TMEM168: variants seen among roughly 807,000 people sequenced by gnomAD.
TMEM168 encodes the protein transmembrane protein 168.
TMEM168 carries 40 observed loss-of-function variants against 53.2 expected under a neutral mutation model. The ratio of observed to expected loss-of-function variants is 0.75; its 90% confidence interval spans 0.58 to 0.98. TMEM168 has a LOEUF of 0.98. TMEM168 is among the 50% of genes least tolerant of loss of function. The probability of loss-of-function intolerance (pLI) is 0.00; values close to 1 mark genes in which losing one functional copy is unlikely to be tolerated. For synonymous variants in TMEM168, 282 were observed against 293.0 expected, an observed-to-expected ratio of 0.96 and a Z score of 0.38; for missense variants, 771 against 828.8, an observed-to-expected ratio of 0.93 and a Z score of 0.86.
At chr7:112,783,646 G>A in intron 2 of TMEM168, 52 bp downstream of exon 2, 1 of 1,376,694 alleles carries the variant, frequency 7.3e-7, no homozygotes, top group Non-Finnish European at 9.5e-7. Flanking sequence ...AATTATTGAA[G>A]CTAGCATTTT....
chr7:112,785,272 C>T (rs1294701701), intron 1 of TMEM168, among the ~76,000 whole-genome samples: 1 of 152,148 alleles, frequency 6.6e-6, no homozygotes, highest in South Asian at 2.1e-4. Context: ...GTGAAATGTT[C>T]GCTTTAGCTT....
At chr7:112,777,559 C>T (rs1390575367) in intron 2 of TMEM168, among the ~76,000 whole-genome samples, 1 of 152,100 alleles carries the variant, frequency 6.6e-6, no homozygotes, top group Admixed American at 6.6e-5. Context: ...TCCTTTCCTT[C>T]TGTTCAGTAT....
At chr7:112,785,230 T>C (rs770041300) in intron 1 of TMEM168, among the ~76,000 whole-genome samples, 2 of 152,232 alleles carry the variant, frequency 1.3e-5, no homozygotes. Context: ...TCATTCTGGT[T>C]TAAATATCTG....
intron 4 of TMEM168, among the ~76,000 whole-genome samples, chr7:112,769,924 C>A (rs1792886105): frequency 1.3e-5 from 2 of 152,060 alleles, no homozygotes; most frequent in Admixed American, 6.6e-5. Flanking sequence ...GGATAAAGGG[C>A]AAATATAGAT....
intron 1 of TMEM168, among the ~76,000 whole-genome samples, chr7:112,786,865 C>T (rs1389857904): frequency 6.6e-6 from 1 of 152,164 alleles, no homozygotes; most frequent in Admixed American, 6.5e-5. Context: ...CTTCTTCCTA[C>T]TGCATTCTCA....
chr7:112,771,207 G>A (rs1471216412), intron 4 of TMEM168, among the ~76,000 whole-genome samples: 1 of 152,122 alleles, frequency 6.6e-6, no homozygotes, highest in Non-Finnish European at 1.5e-5. Flanking sequence ...TTTGAAATGG[G>A]TGACCCATGT....
Position 112,778,005 on chromosome 7 carries a change from C to T in TMEM168, c.1129-2687G>A, listed in dbSNP as rs1329155736. Among the ~76,000 whole-genome samples the T allele has an allele frequency of 2.7e-5, 4 of 150,432 alleles. No homozygotes were observed. The East Asian group carries it at 6.0e-4, about 22-fold the overall frequency. On this transcript the variant is annotated intron_variant, in intron 2 of 4. Transcript: ENST00000312814. ...AAATTATATTATTATTAACTTTAGG[C>T]CTAGGATAATGATACCTTCTCCTAG...
rs375844879 is a variant in TMEM168 at position 112,783,709 on chromosome 7, C to G, written c.1117G>C (p.Val373Leu). ...AACAATAAGCTTACCTGCCAGGAAACTGCTCCCAAAATCGCTGTTGCAAGA... is the reference window on the plus strand; with the variant it reads ...AACAATAAGCTTACCTGCCAGGAAAGTGCTCCCAAAATCGCTGTTGCAAGA... ...SLLATAILGA[V>L]SWQPTNGIFL... The change falls in exon 2 of 5, where the codon GTT becomes CTT. Residue 373 changes from valine (V) to leucine (L), a missense_variant. Coordinates refer to ENST00000312814, the MANE Select transcript of TMEM168 (RefSeq NM_022484.6). 133 of 1,497,078 alleles carry G rather than the reference C, an allele frequency of 8.9e-5. No individual in the cohort carries two copies. In the South Asian group the frequency reaches 1.9e-3, roughly 21 times the overall value. The allele number at this position is 1,497,078 out of a possible 1,614,324, so 92.7% of individuals were successfully genotyped here.
At position 112,767,343 on chromosome 7, in the gene TMEM168, G is replaced by A. The variant is rs201114188; in HGVS notation, c.1948C>T (p.Leu650=). ...MLHFPRITYP[L]VHLANWLCGL... ...CATAACCAATTTGCCAAATGCACTA[G>A]GGGATATGTAATACGAGGAAAGTGT... is the stretch of plus-strand genomic sequence containing the variant. The change falls in exon 5 of 5, where the codon CTA becomes TTA. Residue 650 remains leucine (L), a synonymous_variant. Coordinates refer to ENST00000312814, the MANE Select transcript of TMEM168 (RefSeq NM_022484.6). 1 of 1,614,150 alleles carries A rather than the reference G, an allele frequency of 6.2e-7. No individual in the cohort carries two copies. The highest frequency in any genetic ancestry group is 2.2e-5 in the East Asian group (1 of 44,876).
chr7:112,787,024 C>T (rs1437078931), intron 1 of TMEM168, among the ~76,000 whole-genome samples: 1 of 152,224 alleles, frequency 6.6e-6, no homozygotes, highest in Non-Finnish European at 1.5e-5. Flanking sequence ...CCATATTGTG[C>T]ATCTTTCCTT....
At chr7:112,780,828 C>G (rs1793207561) in intron 2 of TMEM168, among the ~76,000 whole-genome samples, 1 of 151,560 alleles carries the variant, frequency 6.6e-6, no homozygotes, top group Non-Finnish European at 1.5e-5. Context: ...TTGCCAAGTA[C>G]CTGGGGTTGG....
Position 112,763,328 on chromosome 7 carries a change from A to G in TMEM168, c.*3869T>C, listed in dbSNP as rs1792701729. ...TTGAAATAATATCCATTTAAGTAAA[A>G]CTAAAGAAAATGTAGTAATTTACAA... On this transcript the variant is annotated 3_prime_UTR_variant, in exon 5 of 5. Coordinates refer to ENST00000312814, the MANE Select transcript of TMEM168 (RefSeq NM_022484.6). 1 of 152,158 alleles carries G rather than the reference A, an allele frequency of 6.6e-6. No homozygotes were observed. Among genetic ancestry groups the G allele is most frequent in the South Asian group, 2.1e-4 (1 of 4,832 alleles). The allele number at this position is 152,158 out of a possible 1,614,324, so 9.4% of individuals were successfully genotyped here.
intron 2 of TMEM168, among the ~76,000 whole-genome samples, chr7:112,780,879 A>G (rs2457): frequency 0.41 from 61,387 of 147,982 alleles, 15,875 homozygotes; most frequent in African/African-American, 0.74. Flanking sequence ...GAATTTTGGC[A>G]GTGATTTAAC....
In TMEM168 at chr7:112,784,200, G is replaced by A. The variant is rs1448857704; in HGVS notation, c.626C>T (p.Ala209Val). ...FLAIPNLVIF[A>V]VLLFFSSLET... ...CAATGAGGAAAAAAATAACAAAACTGCAAAAATAACTAAGTTTGGAATAGC... is the reference window on the plus strand; with the variant it reads ...CAATGAGGAAAAAAATAACAAAACTACAAAAATAACTAAGTTTGGAATAGC... The change falls in exon 2 of 5, where the codon GCA becomes GTA. Residue 209 changes from alanine to valine, a missense_variant. Ala to Val is a moderately conservative substitution (Grantham distance 64). Coordinates refer to ENST00000312814, the MANE Select transcript of TMEM168 (RefSeq NM_022484.6). 19 of 1,613,140 alleles carry A rather than the reference G, an allele frequency of 1.2e-5. No homozygotes were observed. The highest frequency in any genetic ancestry group is 1.6e-5 in the Non-Finnish European group (19 of 1,179,870).
intron 2 of TMEM168, among the ~76,000 whole-genome samples, chr7:112,779,978 G>A (rs181977973): frequency 2.6e-5 from 4 of 152,270 alleles, no homozygotes; most frequent in East Asian, 3.9e-4. Flanking sequence ...ATATATAAAT[G>A]GAGAGACTGT....
At chr7:112,787,137 C>G (rs1332467209) in intron 1 of TMEM168, among the ~76,000 whole-genome samples, 2 of 152,238 alleles carry the variant, frequency 1.3e-5, no homozygotes, top group East Asian at 3.9e-4. Context: ...CTTTTAAAAA[C>G]AATACCAAAA....
chr7:112,787,306 C>T (rs1793408781), intron 1 of TMEM168, among the ~76,000 whole-genome samples: 1 of 151,632 alleles, frequency 6.6e-6, no homozygotes, highest in Admixed American at 6.6e-5. Context: ...AACTGCTCTG[C>T]TAAGTGTTGA....
At chr7:112,778,011 A>G (rs1030975498) in intron 2 of TMEM168, among the ~76,000 whole-genome samples, 1 of 151,878 alleles carries the variant, frequency 6.6e-6, no homozygotes, top group Non-Finnish European at 1.5e-5. Flanking sequence ...TAGGCCTAGG[A>G]TAATGATACC....
chr7:112,782,200 T>TC (rs1321787197), intron 2 of TMEM168, among the ~76,000 whole-genome samples: 1 of 152,178 alleles, frequency 6.6e-6, no homozygotes, highest in Non-Finnish European at 1.5e-5. Flanking sequence ...CTCAAGTAGA[T>TC]CAACTTTAGG....
Sources: gnomAD v4.1 joint callset for allele counts (sites outside exome capture counted in the v4.1 genomes callset) on GRCh38, gnomAD v4.1.1 for gene constraint, MANE v1.5 for transcripts, NCBI Gene and HGNC (gene_info 2026-07-23, HGNC 2026-07-21) for gene names.